DOCK4: variants seen among roughly 807,000 people sequenced by gnomAD.
DOCK4 encodes dedicator of cytokinesis protein 4.
A neutral mutation model predicts 268.1 loss-of-function variants in DOCK4; 97 were observed. The ratio of observed to expected loss-of-function variants is 0.36; its 90% CI spans 0.31 to 0.43. The LOEUF is 0.43. Among genes scored for constraint, DOCK4 ranks in the 20% least tolerant of loss-of-function variants. The probability of loss-of-function intolerance (pLI) is 1.00; values close to 1 mark genes in which losing one functional copy is unlikely to be tolerated. For missense variants in DOCK4, 2,145 were observed against 2,455.7 expected (o/e 0.87, Z 2.67); for synonymous variants, 954 against 887.2 (o/e 1.08, Z -1.34).
At chr7:111,897,338 T>C (rs544098373) in intron 15 of DOCK4, among the ~76,000 whole-genome samples, 221 of 152,276 alleles carry the variant, frequency 1.5e-3, no homozygotes, top group Non-Finnish European at 2.7e-3. Flanking sequence ...TCTTCCTGCA[T>C]TGGCCTTCAA....
At chr7:112,003,559 T>C (rs1800614149) in intron 2 of DOCK4, among the ~76,000 whole-genome samples, 1 of 152,220 alleles carries the variant, frequency 6.6e-6, no homozygotes, top group Admixed American at 6.5e-5. Context: ...TCAGACAATA[T>C]ATTCTACTAA....
chr7:112,036,349 A>T (rs1431834012), intron 1 of DOCK4, among the ~76,000 whole-genome samples: 1 of 152,186 alleles, frequency 6.6e-6, no homozygotes, highest in Non-Finnish European at 1.5e-5. Context: ...TTAAATATAG[A>T]ACTAAGACTA....
chr7:112,090,849 A>G (rs992528370), intron 1 of DOCK4, among the ~76,000 whole-genome samples: 1 of 152,174 alleles, frequency 6.6e-6, no homozygotes, highest in Non-Finnish European at 1.5e-5. Context: ...TGGGTAAATC[A>G]ATTGCAGTTC....
intron 1 of DOCK4, among the ~76,000 whole-genome samples, chr7:112,136,619 C>G (rs1332205811): frequency 6.6e-6 from 1 of 152,114 alleles, no homozygotes; most frequent in African/African-American, 2.4e-5. Flanking sequence ...AGTTCAAGGT[C>G]AAATGTTGTA....
rs1390393621 is a variant in DOCK4 at position 111,923,211 on chromosome 7, G to A, written c.1067-7307C>T. 7.2e-5 allele frequency among the ~76,000 whole-genome samples: 11 copies of A among 152,138 alleles called. No individual in the cohort carries two copies. In the East Asian group the frequency reaches 2.1e-3, roughly 29 times the overall value. ...TAAAGTATATGAGGGGATGTGCATA[G>A]GTTATATGTAAATAGTATATGCTAT... is the stretch of plus-strand genomic sequence containing the variant. On this transcript the variant is annotated intron_variant, in intron 12 of 52. Coordinates refer to ENST00000428084, the MANE Select transcript of DOCK4 (RefSeq NM_001363540.2).
At chr7:111,741,006 G>A in intron 47 of DOCK4, 88 bp downstream of exon 47, 1 of 1,520,576 alleles carries the variant, frequency 6.6e-7, no homozygotes, top group Non-Finnish European at 9.0e-7. Flanking sequence ...TTGTTGGTCT[G>A]TTCATCAGCA....
In DOCK4 at chr7:112,118,015, C is replaced by A. The variant is rs141328669; in HGVS notation, c.37+88087G>T. On this transcript the variant is annotated intron_variant, in intron 1 of 52. Coordinates refer to ENST00000428084, the MANE Select transcript of DOCK4 (RefSeq NM_001363540.2). ...CCTCCTCCTCCAGAGCCAGGAAAATCCATGCACGATTTTCTACACAAAATA... is the reference window on the plus strand; with the variant it reads ...CCTCCTCCTCCAGAGCCAGGAAAATACATGCACGATTTTCTACACAAAATA... 5.2e-3 allele frequency among the ~76,000 whole-genome samples: 788 copies of A among 152,190 alleles called. 3 individuals carry two copies. Among genetic ancestry groups the A allele is most frequent in the Non-Finnish European group, 8.9e-3 (602 of 68,002 alleles).
chr7:111,763,109 T>C (rs979697778), intron 39 of DOCK4, among the ~76,000 whole-genome samples: 2 of 151,470 alleles, frequency 1.3e-5, no homozygotes, highest in African/African-American at 4.9e-5. Context: ...CCTACTTAGA[T>C]CATAAAAGTG....
intron 1 of DOCK4, among the ~76,000 whole-genome samples, chr7:112,068,618 A>G (rs1807292803): frequency 6.6e-6 from 1 of 152,234 alleles, no homozygotes; most frequent in African/African-American, 2.4e-5. Flanking sequence ...ACTCTGCCTT[A>G]GGCAATGAGA....
chr7:111,903,663 T>C (rs1048834966), intron 13 of DOCK4, among the ~76,000 whole-genome samples: 3 of 152,152 alleles, frequency 2.0e-5, no homozygotes, highest in Non-Finnish European at 4.4e-5. Context: ...ATCAACTGAC[T>C]TCAACAAACA....
At chr7:111,856,016 C>T (rs1804979024) in intron 23 of DOCK4, among the ~76,000 whole-genome samples, 1 of 152,136 alleles carries the variant, frequency 6.6e-6, no homozygotes, top group Non-Finnish European at 1.5e-5. Flanking sequence ...CGTTATCAGT[C>T]TGGTTTACAA....
At chr7:112,022,751 A>G (rs2135418793) in intron 1 of DOCK4, among the ~76,000 whole-genome samples, 1 of 152,232 alleles carries the variant, frequency 6.6e-6, no homozygotes, top group East Asian at 1.9e-4. Context: ...CTACTCCTAT[A>G]ATCACCTGGC....
chr7:111,758,479 C>T, intron 41 of DOCK4, 145 bp downstream of exon 41: 1 of 943,418 alleles, frequency 1.1e-6, no homozygotes, highest in Non-Finnish European at 1.6e-6. Flanking sequence ...CGTGGAGCTG[C>T]AGAACCACTA....
intron 1 of DOCK4, among the ~76,000 whole-genome samples, chr7:112,200,737 A>AAAAT (rs1197108848): frequency 8.4e-6 from 1 of 119,240 alleles, no homozygotes; most frequent in Non-Finnish European, 1.7e-5. Context: ...AAAAAAAAAA[A>AAAAT]ACAAAAAAAA....
At chr7:111,734,716 C>G (rs936862587) in intron 51 of DOCK4, among the ~76,000 whole-genome samples, 1 of 152,062 alleles carries the variant, frequency 6.6e-6, no homozygotes, top group African/African-American at 2.4e-5. Flanking sequence ...GCTGAGTTAG[C>G]GGAGGTTGAT....
chr7:112,123,819 A>C (rs1812967426), intron 1 of DOCK4, among the ~76,000 whole-genome samples: 1 of 152,150 alleles, frequency 6.6e-6, no homozygotes, highest in South Asian at 2.1e-4. Flanking sequence ...AGGAAGAAAA[A>C]CCTGCTTTAA....
chr7:111,922,423 T>C (rs950043782), intron 12 of DOCK4, among the ~76,000 whole-genome samples: 69 of 152,334 alleles, frequency 4.5e-4, no homozygotes, highest in African/African-American at 1.6e-3. Flanking sequence ...TCAATAGCTC[T>C]ATTCTCTTCT....
chr7:111,737,394 G>A (rs971661287), intron 49 of DOCK4, among the ~76,000 whole-genome samples: 6 of 152,120 alleles, frequency 3.9e-5, no homozygotes, highest in Middle Eastern at 3.4e-3. Flanking sequence ...ATCCCAAAGC[G>A]CTGGGATTAC....
At chr7:111,730,226 C>G (rs1479497332) in intron 52 of DOCK4, among the ~76,000 whole-genome samples, 1 of 152,178 alleles carries the variant, frequency 6.6e-6, no homozygotes, top group African/African-American at 2.4e-5. Context: ...CTGGGAAATG[C>G]TGCACACTGT....
Sources: allele counts gnomAD v4.1 joint callset (sites outside exome capture counted in the v4.1 genomes callset), GRCh38; gene constraint gnomAD v4.1.1; transcripts MANE v1.5; gene names NCBI Gene and HGNC (gene_info 2026-07-23, HGNC 2026-07-21).